The following RIMS2 variants were observed in gnomAD, a reference collection of about 807,000 sequenced individuals.
RIMS2 encodes regulating synaptic membrane exocytosis protein 2.
RIMS2 carries 59 observed loss-of-function variants against 174.4 expected under a neutral mutation model. That is an observed-to-expected ratio of 0.34 (90% CI 0.27 to 0.42). RIMS2 has a LOEUF of 0.42. Ranked by LOEUF, RIMS2 falls within the 10% of genes least tolerant of loss-of-function variation. The pLI is 1.00. For synonymous variants in RIMS2, 606 were observed against 572.5 expected (o/e 1.06, Z -0.84); for missense variants, 1,620 against 1,666.3 (o/e 0.97, Z 0.48).
chr8:103,775,846 T>C (rs989002997), intron 3 of RIMS2, among the ~76,000 whole-genome samples: 11 of 152,162 alleles, frequency 7.2e-5, no homozygotes, highest in African/African-American at 2.7e-4. Context: ...TCATGGAATA[T>C]GTAACTTAAA....
intron 1 of RIMS2, among the ~76,000 whole-genome samples, chr8:103,513,645 G>T (rs1328649709): frequency 6.6e-6 from 1 of 152,078 alleles, no homozygotes; most frequent in Admixed American, 6.6e-5. Context: ...GAGCTTTTTG[G>T]ATTTGGGAAT....
intron 3 of RIMS2, among the ~76,000 whole-genome samples, chr8:103,790,948 G>A (rs1332973412): frequency 6.6e-6 from 1 of 152,214 alleles, no homozygotes; most frequent in Admixed American, 6.5e-5. Flanking sequence ...CATCTGATTG[G>A]TGTACCTGAA....
intron 19 of RIMS2, among the ~76,000 whole-genome samples, chr8:104,037,514 C>T (rs929121510): frequency 6.6e-6 from 1 of 152,156 alleles, no homozygotes; most frequent in Admixed American, 6.6e-5. Context: ...ATTAGCCAAT[C>T]AGCAGAATTT....
intron 19 of RIMS2, among the ~76,000 whole-genome samples, chr8:104,057,710 T>C (rs13260518): frequency 0.34 from 45,301 of 131,580 alleles, 8,276 homozygotes; most frequent in Non-Finnish European, 0.41. Context: ...TAATGCTATC[T>C]CTTCCCCCTC....
intron 19 of RIMS2, among the ~76,000 whole-genome samples, chr8:104,195,790 G>C (rs1372919269): frequency 6.6e-6 from 1 of 152,120 alleles, no homozygotes; most frequent in Non-Finnish European, 1.5e-5. Context: ...TGGGATTACA[G>C]GCATGAGCCA....
chr8:103,945,923 G>A (rs191554870), intron 14 of RIMS2, among the ~76,000 whole-genome samples: 40 of 152,198 alleles, frequency 2.6e-4, no homozygotes, highest in African/African-American at 9.1e-4. Flanking sequence ...TTGATAACTA[G>A]GAAAGGATGT....
intron 15 of RIMS2, among the ~76,000 whole-genome samples, chr8:103,973,665 G>A (rs888364771): frequency 1.3e-4 from 20 of 152,336 alleles, no homozygotes; most frequent in African/African-American, 4.8e-4. Context: ...GACAGAGTTT[G>A]TGACCAAAGA....
At chr8:103,581,891 C>T (rs113653616) in intron 1 of RIMS2, among the ~76,000 whole-genome samples, 1 of 152,178 alleles carries the variant, frequency 6.6e-6, no homozygotes, top group South Asian at 2.1e-4. Context: ...TAGTACCGAA[C>T]TAGGCCGAGA....
chr8:103,722,557 G>A (rs912548058), intron 2 of RIMS2, among the ~76,000 whole-genome samples: 4 of 152,090 alleles, frequency 2.6e-5, no homozygotes, highest in Admixed American at 6.5e-5. Flanking sequence ...ATCTAATGCC[G>A]ACACTGATCT....
chr8:104,255,278 CT>C (rs1184195329), downstream of RIMS2: 1 of 142,174 alleles, frequency 7.0e-6, no homozygotes, highest in Non-Finnish European at 1.5e-5. Flanking sequence ...ATATACATTC[CT>C]GTATATGAAC....
At chr8:104,249,343 T>C in intron 21 of RIMS2, 144 bp from the exon 28 acceptor site, 2 of 539,982 alleles carry the variant, frequency 3.7e-6, no homozygotes, top group Non-Finnish European at 3.3e-6. Context: ...TAAAGGAAGA[T>C]ATTATTGATA....
chr8:104,245,504 T>C (rs1311217656), intron 20 of RIMS2, among the ~76,000 whole-genome samples: 1 of 152,200 alleles, frequency 6.6e-6, no homozygotes, highest in Non-Finnish European at 1.5e-5. Context: ...ATTATTTAAT[T>C]ATATTAAATA....
chr8:103,507,548 A>T (rs1824266832), intron 1 of RIMS2, among the ~76,000 whole-genome samples: 1 of 152,092 alleles, frequency 6.6e-6, no homozygotes, highest in African/African-American at 2.4e-5. Flanking sequence ...CAATAATCTT[A>T]AAAAAAGATT....
chr8:103,920,277 A>T (rs1192204314), intron 9 of RIMS2, among the ~76,000 whole-genome samples: 1 of 152,000 alleles, frequency 6.6e-6, no homozygotes, highest in Non-Finnish European at 1.5e-5. Flanking sequence ...ATGACTTCCA[A>T]GTTTACATTA....
chr8:103,885,020 A>G (rs1247007863), intron 3 of RIMS2, among the ~76,000 whole-genome samples: 1 of 151,896 alleles, frequency 6.6e-6, no homozygotes, highest in Non-Finnish European at 1.5e-5. Flanking sequence ...ATTAGAATAA[A>G]TGCTAGTTTA....
intron 1 of RIMS2, among the ~76,000 whole-genome samples, chr8:103,535,273 C>T (rs920166530): frequency 1.3e-5 from 2 of 152,214 alleles, no homozygotes; most frequent in Non-Finnish European, 2.9e-5. Flanking sequence ...GCTTCCTCTT[C>T]TCTTGCTATG....
chr8:103,757,077 C>T (rs1366745519), intron 2 of RIMS2, among the ~76,000 whole-genome samples: 5 of 151,064 alleles, frequency 3.3e-5, no homozygotes, highest in Non-Finnish European at 7.4e-5. Flanking sequence ...ACTTGGCTAG[C>T]ATCTCCAATA....
chr8:104,148,111 A>T (rs1473639401), intron 19 of RIMS2, among the ~76,000 whole-genome samples: 2 of 152,020 alleles, frequency 1.3e-5, no homozygotes, highest in Non-Finnish European at 2.9e-5. Flanking sequence ...TTATTAGATA[A>T]ACCTTATTAT....
At chr8:103,558,553 A>G (rs1200927457) in intron 1 of RIMS2, among the ~76,000 whole-genome samples, 3 of 152,074 alleles carry the variant, frequency 2.0e-5, no homozygotes, top group Non-Finnish European at 4.4e-5. Context: ...CTTTTTAACC[A>G]TTTCATACAA....
Sources: gnomAD v4.1 joint callset for allele counts (sites outside exome capture counted in the v4.1 genomes callset) on GRCh38, gnomAD v4.1.1 for gene constraint, MANE v1.5 for transcripts, NCBI Gene and HGNC (gene_info 2026-07-23, HGNC 2026-07-21) for gene names.